The following NPAS3 variants were observed in gnomAD, a reference collection of about 807,000 sequenced individuals.
NPAS3 encodes neuronal PAS domain-containing protein 3.
Under a neutral mutation model 73.1 loss-of-function variants are expected in NPAS3, and 14 were observed. That is an observed-to-expected ratio of 0.19 (90% CI 0.13 to 0.30). The LOEUF (loss-of-function observed/expected upper bound fraction) is 0.30, where lower values mean the gene tolerates loss of function less well. Ranked by LOEUF, NPAS3 falls within the 10% of genes least tolerant of loss-of-function variation. The pLI, the probability that NPAS3 is intolerant of heterozygous loss-of-function variation, is 1.00. For synonymous variants in NPAS3, 620 were observed against 541.5 expected (o/e 1.14, Z -2.01); for missense variants, 1,096 against 1,250.0 (o/e 0.88, Z 1.86).
chr14:33,636,080 C>A (rs2058506911), intron 5 of NPAS3, among the ~76,000 whole-genome samples: 1 of 152,220 alleles, frequency 6.6e-6, no homozygotes, highest in Non-Finnish European at 1.5e-5. Context: ...ACCACCACGC[C>A]TGGCTAATTT....
At chr14:33,579,639 A>C (rs973510063) in intron 5 of NPAS3, among the ~76,000 whole-genome samples, 1 of 151,726 alleles carries the variant, frequency 6.6e-6, no homozygotes, top group African/African-American at 2.4e-5. Flanking sequence ...GCATTTAATT[A>C]GGGGTCTTTT....
In NPAS3 at chr14:33,262,328, A is replaced by G. The variant is rs967675694; in HGVS notation, c.385+46902A>G. ...GTAAGCCAAGAAATAAGTGTAGGCA[A>G]TACAGTTCTACTTTTTGCTCCATTG... On this transcript the variant is annotated intron_variant, in intron 3 of 11. Transcript: ENST00000356141. Among the ~76,000 whole-genome samples, 42 of 152,194 alleles carry G rather than the reference A, an allele frequency of 2.8e-4. 2 individuals are homozygous for G. Among genetic ancestry groups the G allele is most frequent in the Non-Finnish European group, 1.0e-4 (7 of 68,028 alleles).
rs761032291 is a variant in NPAS3, at chr14:33,800,321, G to C, written c.2014G>C (p.Glu672Gln). 6.2e-7 allele frequency: 1 copy of C among 1,613,238 alleles called. No homozygotes were observed. Among genetic ancestry groups the C allele is most frequent in the African/African-American group, 1.3e-5 (1 of 74,860 alleles). The change falls in exon 12 of 12, where the codon GAG (glutamate) becomes CAG (glutamine). Residue 672 changes from glutamate (E) to glutamine (Q), a missense_variant. Glu to Gln is a conservative substitution (Grantham distance 29, BLOSUM62 2). Transcript: ENST00000356141. This position sits in a 1 kb window ranked among gnomAD's most constrained non-coding sequence, Gnocchi z 6.5. The stretch of plus-strand genomic sequence containing the variant: ...CATCTGGAACTACCCGCCCAACCGG[G>C]AGATCTCCAGGAACGAGTCCCCCTA...
chr14:33,002,912 A>T (rs1007667205), intron 1 of NPAS3, among the ~76,000 whole-genome samples: 1 of 152,124 alleles, frequency 6.6e-6, no homozygotes, highest in African/African-American at 2.4e-5. Flanking sequence ...GGGGTTTGTG[A>T]CCTTGGGCAA....
intron 3 of NPAS3, among the ~76,000 whole-genome samples, chr14:33,292,014 A>C (rs1465557468): frequency 6.6e-6 from 1 of 152,218 alleles, no homozygotes; most frequent in Non-Finnish European, 1.5e-5. Context: ...TTGATAAATC[A>C]AAAAGGATGC....
chr14:33,425,970 T>C (rs2048539156), intron 4 of NPAS3, among the ~76,000 whole-genome samples: 1 of 152,078 alleles, frequency 6.6e-6, no homozygotes, highest in Non-Finnish European at 1.5e-5. Flanking sequence ...AGTGATACAT[T>C]GTTCAAACTT....
intron 4 of NPAS3, among the ~76,000 whole-genome samples, chr14:33,509,057 C>CT (rs35416014): frequency 0.34 from 49,955 of 146,260 alleles, 9,033 homozygotes; most frequent in Admixed American, 0.46. Context: ...TATCCAACTA[C>CT]TTTTTTTTTT....
At chr14:33,788,564 T>C (rs1170110547) in intron 9 of NPAS3, among the ~76,000 whole-genome samples, 1 of 152,250 alleles carries the variant, frequency 6.6e-6, no homozygotes, top group Non-Finnish European at 1.5e-5. Context: ...CTTCTTCTTA[T>C]GACACAACTA....
At chr14:33,291,981 A>G (rs984905019) in intron 3 of NPAS3, among the ~76,000 whole-genome samples, 2 of 152,214 alleles carry the variant, frequency 1.3e-5, no homozygotes, top group African/African-American at 4.8e-5. Flanking sequence ...GCTGCCCCAC[A>G]GCATTTTGCC....
At chr14:33,519,588 C>T (rs766355851) in intron 4 of NPAS3, among the ~76,000 whole-genome samples, 19 of 152,076 alleles carry the variant, frequency 1.2e-4, no homozygotes, top group African/African-American at 3.9e-4. Flanking sequence ...CTCCAAACCT[C>T]GGTCTGCGCA....
At chr14:33,480,569 C>CTCCCTCTCTCTCTCCTTCTGGG (rs2051276807) in intron 4 of NPAS3, among the ~76,000 whole-genome samples, 1 of 125,446 alleles carries the variant, frequency 8.0e-6, no homozygotes. Flanking sequence ...CCCTCCCTCC[C>CTCCCTCTCTCTCTCCTTCTGGG]TCCCTCTCTC....
At chr14:33,580,383 A>G (rs948779012) in intron 5 of NPAS3, among the ~76,000 whole-genome samples, 1 of 152,234 alleles carries the variant, frequency 6.6e-6, no homozygotes, top group African/African-American at 2.4e-5. Flanking sequence ...CATGCTTAAT[A>G]ATTCCCTTCT....
intron 3 of NPAS3, among the ~76,000 whole-genome samples, chr14:33,284,758 ATATCTATATCTATC>A (rs1480158469): frequency 1.9e-4 from 25 of 130,454 alleles, no homozygotes; most frequent in African/African-American, 4.7e-4. Flanking sequence ...CTATATATCT[ATATCTATATCTATC>A]TATCTATCTA....
At chr14:33,661,129 T>C (rs1295895348) in intron 5 of NPAS3, among the ~76,000 whole-genome samples, 6 of 149,908 alleles carry the variant, frequency 4.0e-5, no homozygotes, top group African/African-American at 1.5e-4. Flanking sequence ...GCCGGCAAAC[T>C]GTCTATCATG....
chr14:33,517,666 CCTT>C lies in NPAS3; in HGVS notation c.469-42451_469-42449del, dbSNP rs1463056503. 6.6e-5 allele frequency among the ~76,000 whole-genome samples: 10 copies of C among 152,176 alleles called. No individual in the cohort carries two copies. The South Asian group carries it at 2.1e-3, about 32-fold the overall frequency. ...GGTCCTGTCCTTTTAGCTCCTCACT[CCTT>C]CTTTGTGCTTTCGTCATGCCCCGCA... On this transcript the variant is annotated intron_variant, in intron 4 of 11. Coordinates refer to ENST00000356141, the Ensembl canonical transcript of NPAS3.
At chr14:33,318,337 G>A (rs2043292288) in intron 3 of NPAS3, among the ~76,000 whole-genome samples, 1 of 152,094 alleles carries the variant, frequency 6.6e-6, no homozygotes, top group Admixed American at 6.6e-5. Context: ...GCCAGGAACT[G>A]AGGGTAGCGA....
chr14:33,115,101 A>C (rs1416685248), intron 2 of NPAS3, among the ~76,000 whole-genome samples: 1 of 152,170 alleles, frequency 6.6e-6, no homozygotes, highest in African/African-American at 2.4e-5. Context: ...TTGAGTGCTT[A>C]TTGCAAGCCA....
intron 3 of NPAS3, among the ~76,000 whole-genome samples, chr14:33,310,981 T>C (rs1219535148): frequency 6.6e-6 from 1 of 152,168 alleles, no homozygotes; most frequent in Non-Finnish European, 1.5e-5. Flanking sequence ...TTGAACTCAC[T>C]GATGAAGACT....
chr14:33,468,069 A>G (rs754970761), intron 4 of NPAS3, among the ~76,000 whole-genome samples: 6 of 152,188 alleles, frequency 3.9e-5, no homozygotes, highest in Non-Finnish European at 8.8e-5. Context: ...CCAAGAGTAC[A>G]AGTGTGACCC....
Sources: allele counts gnomAD v4.1 joint callset (sites outside exome capture counted in the v4.1 genomes callset), GRCh38; gene constraint gnomAD v4.1.1; non-coding constraint Gnocchi (gnomAD v3.1); transcripts MANE v1.5; gene names NCBI Gene and HGNC (gene_info 2026-07-23, HGNC 2026-07-21).